The following PVT1 variants were observed in gnomAD, a reference collection of about 807,000 sequenced individuals.
PVT1 encodes the protein Pvt1 oncogene, also known as CXCR4/PVT1 fusion.
Position 128,045,594 on chromosome 8 carries a change from G to C in PVT1, n.913-24566G>C, listed in dbSNP as rs762451129. On this transcript the variant is annotated intron_variant and non_coding_transcript_variant, in intron 4 of 10. Coordinates refer to ENST00000651587, the Ensembl canonical transcript of PVT1. ...AAGAGTTACCCACATGGCTGTATTT[G>C]TTGGTATTTTCTACCCTTACCTGCT... is the stretch of plus-strand genomic sequence containing the variant. Among the ~76,000 whole-genome samples the C allele has an allele frequency of 5.9e-5, 9 of 152,218 alleles. 1 individual carries two copies. The highest frequency in any genetic ancestry group is 1.2e-4 in the Non-Finnish European group (8 of 68,030).
At chr8:128,072,732 C>T (rs889461838) in intron 5 of PVT1, among the ~76,000 whole-genome samples, 4 of 152,174 alleles carry the variant, frequency 2.6e-5, no homozygotes, top group East Asian at 1.9e-4. Context: ...CAGTGCCTAG[C>T]GGTTTGGGGA....
chr8:127,852,225 A>T (rs189393868), intron 2 of PVT1: 8 of 152,380 alleles, frequency 5.3e-5, no homozygotes, highest in Non-Finnish European at 2.9e-5. Flanking sequence ...AGACAGCATG[A>T]TCAGCAGCTT....
chr8:127,855,200 CA>C (rs1279385234), intron 2 of PVT1: 2 of 398,524 alleles, frequency 5.0e-6, no homozygotes, highest in Non-Finnish European at 8.8e-6. Flanking sequence ...TAAGGGGAAA[CA>C]AAAGTGTTCT....
intron 2 of PVT1, among the ~76,000 whole-genome samples, chr8:127,807,887 C>A (rs1814545245): frequency 6.6e-6 from 1 of 152,032 alleles, no homozygotes; most frequent in South Asian, 2.1e-4. Flanking sequence ...CCTGCCTCAG[C>A]CTCCCGAGTA....
intron 3 of PVT1, among the ~76,000 whole-genome samples, chr8:127,945,555 G>T (rs1368729317): frequency 6.6e-6 from 1 of 152,186 alleles, no homozygotes; most frequent in Non-Finnish European, 1.5e-5. Flanking sequence ...GCCCCATGCT[G>T]AAGGCCCTCC....
At chr8:127,941,386 A>G (rs574736050) in intron 3 of PVT1, among the ~76,000 whole-genome samples, 1 of 151,874 alleles carries the variant, frequency 6.6e-6, no homozygotes, top group South Asian at 2.1e-4. Flanking sequence ...AAATTCCGAC[A>G]TGGGCATCTC....
intron 2 of PVT1, among the ~76,000 whole-genome samples, chr8:127,842,887 C>T (rs1165347863): frequency 6.6e-6 from 1 of 152,170 alleles, no homozygotes; most frequent in Non-Finnish European, 1.5e-5. Context: ...TTGCCTAGTA[C>T]CCAACTTCCT....
chr8:127,839,549 CAAAAATA>C (rs1360642306), intron 2 of PVT1, among the ~76,000 whole-genome samples: 2 of 75,608 alleles, frequency 2.6e-5, no homozygotes, highest in Non-Finnish European at 5.2e-5. Flanking sequence ...GATCCTATCT[CAAAAATA>C]AAAAATAAAA....
chr8:127,954,378 TC>T (rs1270211472), intron 3 of PVT1, among the ~76,000 whole-genome samples: 2 of 141,616 alleles, frequency 1.4e-5, no homozygotes, highest in Non-Finnish European at 3.0e-5. Flanking sequence ...CACTGCAACC[TC>T]TGCTTCCCAG....
intron 4 of PVT1, among the ~76,000 whole-genome samples, chr8:128,033,531 A>G (rs567156129): frequency 6.6e-6 from 1 of 152,328 alleles, no homozygotes; most frequent in South Asian, 2.1e-4. Context: ...CGGCCACCCC[A>G]GAGGCTAGAA....
At chr8:127,884,465 A>G (rs1170380692) in intron 2 of PVT1, among the ~76,000 whole-genome samples, 1 of 152,266 alleles carries the variant, frequency 6.6e-6, no homozygotes, top group Admixed American at 6.5e-5. Context: ...ATATGCACAC[A>G]TATCTGTGCA....
chr8:128,032,447 G>A (rs1813402822), intron 4 of PVT1, among the ~76,000 whole-genome samples: 1 of 152,190 alleles, frequency 6.6e-6, no homozygotes, highest in Non-Finnish European at 1.5e-5. Context: ...TTATGAGATG[G>A]TGGATCACAG....
chr8:128,006,144 AT>A (rs1430349331), intron 4 of PVT1, among the ~76,000 whole-genome samples: 7 of 135,796 alleles, frequency 5.2e-5, no homozygotes, highest in Admixed American at 1.5e-4. Context: ...AATAATAATA[AT>A]AATAAAAAGA....
chr8:127,832,700 T>C (rs1814865648), intron 2 of PVT1, among the ~76,000 whole-genome samples: 1 of 152,142 alleles, frequency 6.6e-6, no homozygotes, highest in East Asian at 1.9e-4. Flanking sequence ...CTACTAAAAA[T>C]ACAAAAAATT....
chr8:127,871,824 C>T (rs188938210), intron 2 of PVT1, among the ~76,000 whole-genome samples: 72 of 152,356 alleles, frequency 4.7e-4, no homozygotes, highest in African/African-American at 1.7e-3. Context: ...CGCAGTGGCT[C>T]ACGCCTGTAA....
intron 4 of PVT1, among the ~76,000 whole-genome samples, chr8:128,004,339 G>C (rs1817221108): frequency 6.6e-6 from 1 of 152,134 alleles, no homozygotes; most frequent in Non-Finnish European, 1.5e-5. Context: ...TGGATTTACT[G>C]GGTTTATTGG....
intron 2 of PVT1, among the ~76,000 whole-genome samples, chr8:127,867,093 C>A (rs1815293505): frequency 6.6e-6 from 1 of 152,256 alleles, no homozygotes. Flanking sequence ...CTTAGCTGGC[C>A]TCAGATGCCC....
chr8:127,882,641 G>A (rs943391488), intron 2 of PVT1, among the ~76,000 whole-genome samples: 2 of 151,946 alleles, frequency 1.3e-5, no homozygotes, highest in African/African-American at 2.4e-5. Context: ...CCGCCACCAC[G>A]CCCAGCTAAT....
rs552454805 is a variant in PVT1, at chr8:128,080,561, A to G, written n.1114+10200A>G. On this transcript the variant is annotated intron_variant and non_coding_transcript_variant, in intron 5 of 10. Transcript: ENST00000651587. ...TGCTCATGTTTTAACTGGGTTGCTC[A>G]TTTCCCTATTCTTGAGATTTAAGAG... Among the ~76,000 whole-genome samples the G allele has an allele frequency of 3.7e-4, 56 of 152,268 alleles. 1 individual carries two copies. In the South Asian group the frequency reaches 0.011, roughly 31 times the overall value.
Sources: gnomAD v4.1 joint callset for allele counts (sites outside exome capture counted in the v4.1 genomes callset) on GRCh38, gnomAD v4.1.1 for gene constraint, MANE v1.5 for transcripts, NCBI Gene and HGNC (gene_info 2026-07-23, HGNC 2026-07-21) for gene names.